HNRNPH1: variants seen among roughly 807,000 people sequenced by gnomAD.
The protein encoded by HNRNPH1 is heterogeneous nuclear ribonucleoprotein H.
In HNRNPH1, 4 loss-of-function variants were observed where a neutral mutation model predicts 58.6. The ratio of observed to expected loss-of-function variants is 0.07; its 90% CI spans 0.03 to 0.16. The LOEUF (loss-of-function observed/expected upper bound fraction) is 0.16. Among genes scored for constraint, HNRNPH1 ranks in the 10% least tolerant of loss-of-function variants. HNRNPH1 has a pLI of 1.00. For synonymous variants in HNRNPH1, 192 were observed against 189.2 expected (o/e 1.01, Z -0.12); for missense variants, 271 against 564.2 (o/e 0.48, Z 5.26).
At chr5:179,627,503 A>ACGAT (rs144358724), upstream of HNRNPH1, among the ~76,000 whole-genome samples, 3 of 150,878 alleles carry the variant, frequency 2.0e-5, no homozygotes, top group Non-Finnish European at 4.4e-5. Context: ...GCCCTGATTT[A>ACGAT]TGCCTTTTTT....
chr5:179,633,293 T>A (rs1196502970), intron 2 of HNRNPH1, among the ~76,000 whole-genome samples: 1 of 60,262 alleles, frequency 1.7e-5, no homozygotes, highest in Non-Finnish European at 3.7e-5. Flanking sequence ...GCCCGGCCTG[T>A]TTGTTTGTTT....
At chr5:179,616,800 T>A in intron 10 of HNRNPH1, 69 bp downstream of exon 11, 1 of 1,280,802 alleles carries the variant, frequency 7.8e-7, no homozygotes, top group Non-Finnish European at 1.1e-6. Flanking sequence ...ATAAATAGAT[T>A]AACTTAACTT....
rs1773552368 is a variant in HNRNPH1, at chr5:179,623,186, AACTGAGAGCGCCAATT to A, written c.-69_-54del. ...CAAACTGCAAAGCGGGGAGGACCAG[AACTGAGAGCGCCAATT>A]AAGCTGTCCTTCGCCTCCGAGGCGC... On this transcript the variant is annotated 5_prime_UTR_variant, in exon 1 of 13. Transcript: ENST00000356731. The A allele has an allele frequency of 2.2e-6, 3 of 1,362,652 alleles. No individual in the cohort carries two copies. In the South Asian group the frequency reaches 3.5e-5, roughly 16 times the overall value. 84.4% of individuals were successfully genotyped at this position (1,362,652 alleles called of 1,614,324 possible). A position where few individuals can be genotyped will look rare whatever the true frequency, so the allele number is the denominator to read the frequency against.
At chr5:179,624,666 G>T (rs1316458380) in exon 1 of HNRNPH1, 2 of 398,470 alleles carry the variant, frequency 5.0e-6, no homozygotes, top group Non-Finnish European at 8.8e-6. Context: ...GTTTCTAGCA[G>T]CACTGCCCAA....
At chr5:179,629,112 A>G (rs1463427989), upstream of HNRNPH1, 2 of 149,156 alleles carry the variant, frequency 1.3e-5, no homozygotes, top group African/African-American at 4.9e-5. Flanking sequence ...CCTGGATAAC[A>G]CAGTGAAACC....
At chr5:179,615,085 G>A (rs765110495) in intron 12 of HNRNPH1, 126 bp from the exon 14 acceptor site, 7 of 657,244 alleles carry the variant, frequency 1.1e-5, no homozygotes, top group East Asian at 2.8e-5. Context: ...GTGGCGAGAC[G>A]CATGTTTGGG....
chr5:179,626,603 C>G (rs1331525593), upstream of HNRNPH1, among the ~76,000 whole-genome samples: 1 of 150,546 alleles, frequency 6.6e-6, no homozygotes, highest in Admixed American at 6.6e-5. Context: ...GTAATCCCAG[C>G]TACTCAGGAG....
At chr5:179,616,369 G>A in intron 10 of HNRNPH1, 151 bp from the exon 12 acceptor site, 2 of 660,742 alleles carry the variant, frequency 3.0e-6, no homozygotes, top group South Asian at 3.5e-5. Flanking sequence ...CTATAACCAG[G>A]CCACCCTTCT....
At chr5:179,618,578 G>T in intron 4 of HNRNPH1, 1 of 338,038 alleles carries the variant, frequency 3.0e-6, no homozygotes, top group Non-Finnish European at 5.3e-6. Flanking sequence ...GGGTAGAGAG[G>T]AGTACTGTAA....
At chr5:179,621,903 C>A in intron 1 of HNRNPH1, 1 of 455,940 alleles carries the variant, frequency 2.2e-6, no homozygotes, top group Non-Finnish European at 4.4e-6. Flanking sequence ...GAAGCCAAAC[C>A]CAGTGTTGCC....
upstream of HNRNPH1, among the ~76,000 whole-genome samples, chr5:179,628,969 A>G (rs1366904596): frequency 6.6e-6 from 1 of 152,032 alleles, no homozygotes; most frequent in Non-Finnish European, 1.5e-5. Flanking sequence ...TGACAGAGCG[A>G]GACTGTGCCT....
chr5:179,619,582 A>G (rs753671037), intron 3 of HNRNPH1, 175 bp from the exon 5 acceptor site: 3 of 549,672 alleles, frequency 5.5e-6, no homozygotes, highest in South Asian at 2.8e-5. Flanking sequence ...CCATTATTAT[A>G]AAGTATAACT....
intron 5 of HNRNPH1, 28 bp from the exon 7 acceptor site, chr5:179,618,088 T>TA: frequency 1.9e-6 from 3 of 1,613,518 alleles, no homozygotes; most frequent in African/African-American, 1.3e-5. Flanking sequence ...ATCAATCAAA[T>TA]AAAACACCTA....
upstream of HNRNPH1, among the ~76,000 whole-genome samples, chr5:179,628,345 T>A (rs1581766683): frequency 1.3e-5 from 2 of 152,146 alleles, no homozygotes; most frequent in Non-Finnish European, 2.9e-5. Flanking sequence ...TCTGCTTTTT[T>A]AAAAATTTGT....
chr5:179,622,671 A>C (rs66479467), intron 1 of HNRNPH1, among the ~76,000 whole-genome samples: 40,525 of 152,104 alleles, frequency 0.27, 6,771 homozygotes, highest in East Asian at 0.68. Flanking sequence ...AGAACGCGCC[A>C]CTGCACTCCA....
At position 179,621,698 on chromosome 5, in the gene HNRNPH1, AG is replaced by A. The variant is rs562994534; in HGVS notation, c.98-302del. 2.1e-3 allele frequency: 879 copies of A among 413,506 alleles called. 1 individual carries two copies. Among genetic ancestry groups the A allele is most frequent in the Non-Finnish European group, 3.3e-3 (734 of 223,274 alleles). 25.6% of individuals were successfully genotyped at this position (413,506 alleles called of 1,614,324 possible). ...ACACATCTTTTATCAATTTCTCAGA[AG>A]ATTATCAAGCCTGGACTGTGTGACT... On this transcript the variant is annotated intron_variant, in intron 1 of 12. Coordinates refer to ENST00000356731, the Ensembl canonical transcript of HNRNPH1.
At chr5:179,633,628 T>TA (rs1775029758) in intron 2 of HNRNPH1, among the ~76,000 whole-genome samples, 1 of 151,656 alleles carries the variant, frequency 6.6e-6, no homozygotes, top group South Asian at 2.1e-4. Context: ...AAAAATAAAA[T>TA]AAAAAGCCAG....
chr5:179,615,052 G>A lies in HNRNPH1; in HGVS notation c.*1-93C>T, dbSNP rs140465072. On this transcript the variant is annotated intron_variant, in intron 12 of 12. Transcript: ENST00000356731. ...CCAAGAAAAAGTTTAAAAAGTATAC[G>A]AGTACAAATGGCTGCTGTCCAAGTG... 311 of 785,232 alleles carry A rather than the reference G, an allele frequency of 4.0e-4. 1 individual carries two copies. The highest frequency in any genetic ancestry group is 1.0e-4 in the South Asian group (7 of 67,106). 48.6% of individuals were successfully genotyped at this position (785,232 alleles called of 1,614,324 possible).
At chr5:179,629,098 C>T (rs1186469379), upstream of HNRNPH1, 12 of 148,686 alleles carry the variant, frequency 8.1e-5, no homozygotes, top group Admixed American at 2.7e-4. Context: ...CAGATCGAGA[C>T]CATCCTGGAT....
Sources: allele counts gnomAD v4.1 joint callset (sites outside exome capture counted in the v4.1 genomes callset), GRCh38; gene constraint gnomAD v4.1.1; transcripts MANE v1.5; gene names NCBI Gene and HGNC (gene_info 2026-07-23, HGNC 2026-07-21).